Variants in PKP2 observed in about 807,000 individuals in gnomAD.
PKP2 encodes plakophilin-2.
PKP2 carries 73 observed loss-of-function variants against 83.4 expected under a neutral mutation model. The observed-to-expected ratio is 0.88, with a 90% CI of 0.72 to 1.06. The LOEUF is 1.06. PKP2 is among the 50% of genes least tolerant of loss of function. The pLI is 0.00. For synonymous variants in PKP2, 409 were observed against 430.4 expected, an observed-to-expected ratio of 0.95 and a Z score of 0.62; for missense variants, 966 against 1,065.4, an observed-to-expected ratio of 0.91 and a Z score of 1.30.
rs1956953513 is a variant in PKP2, at chr12:32,878,307, T to G, written c.573A>C (p.Pro191=). The G allele has an allele frequency of 6.2e-7, 1 of 1,613,146 alleles. No individual in the cohort carries two copies. Among genetic ancestry groups the G allele is most frequent in the African/African-American group, 1.3e-5 (1 of 74,898 alleles). The part of the protein sequence containing the change: ...QESRRAALLV[P]PRYARSEIVG... ...CGATCTCGGAACGAGCATATCTCGGTGGCACTAGGAGGGCGGCCCGCCTGC... is the reference window on the plus strand; with the variant it reads ...CGATCTCGGAACGAGCATATCTCGGGGGCACTAGGAGGGCGGCCCGCCTGC... The change falls in exon 3 of 13, where the codon CCA becomes CCC. Residue 191 remains proline, a synonymous_variant. Coordinates refer to ENST00000340811, the MANE Select transcript of PKP2 (RefSeq NM_001005242.3).
rs1488094311 is a variant in PKP2, at chr12:32,802,509, C to T, written c.2061G>A (p.Leu687=). Residue 687 remains leucine, a synonymous_variant, in exon 10 of 13, where the codon CTG becomes CTA. Coordinates refer to ENST00000340811, the MANE Select transcript of PKP2 (RefSeq NM_001005242.3). ...CATGCAGCATCTTTCGGGTGTGCTGCAGGCCACTTTCCTTCTGGACAACTG... is the reference window on the plus strand; with the variant it reads ...CATGCAGCATCTTTCGGGTGTGCTGTAGGCCACTTTCCTTCTGGACAACTG... ...AQTVVQKESG[L]QHTRKMLHVG... 1 of 1,614,148 alleles carries T rather than the reference C, an allele frequency of 6.2e-7. No individual in the cohort carries two copies. Among genetic ancestry groups the T allele is most frequent in the East Asian group, 2.2e-5 (1 of 44,886 alleles).
chr12:32,866,332 C>G (rs991520946), intron 4 of PKP2, among the ~76,000 whole-genome samples: 1 of 151,804 alleles, frequency 6.6e-6, no homozygotes, highest in Non-Finnish European at 1.5e-5. Context: ...GTAGCTGGCT[C>G]CTTTGAACTT....
chr12:32,793,680 C>A (rs932757923), intron 11 of PKP2, among the ~76,000 whole-genome samples: 1 of 133,932 alleles, frequency 7.5e-6, no homozygotes, highest in Non-Finnish European at 1.5e-5. Flanking sequence ...ACTGCAACCT[C>A]CGTCTCCCAG....
At chr12:32,840,880 A>G in intron 6 of PKP2, 148 bp downstream of exon 6, 1 of 685,628 alleles carries the variant, frequency 1.5e-6, no homozygotes, top group East Asian at 2.8e-5. Context: ...TCTGTTTTAA[A>G]AAAGATAAAT....
At chr12:32,822,904 G>A (rs1327370358) in intron 7 of PKP2, among the ~76,000 whole-genome samples, 1 of 152,156 alleles carries the variant, frequency 6.6e-6, no homozygotes, top group Non-Finnish European at 1.5e-5. Flanking sequence ...GCTTAGATAC[G>A]TAACTTACTA....
intron 4 of PKP2, among the ~76,000 whole-genome samples, chr12:32,851,615 C>T (rs910321393): frequency 5.9e-5 from 9 of 152,058 alleles, no homozygotes; most frequent in Non-Finnish European, 5.9e-5. Context: ...ACTACAGGCG[C>T]CCGCCACCAC....
rs753180642 is a variant in PKP2 at position 32,896,510 on chromosome 12, G to T, written c.222C>A (p.Asn74Lys). 2.0e-6 allele frequency: 3 copies of T among 1,517,798 alleles called. No individual in the cohort carries two copies. Among genetic ancestry groups the T allele is most frequent in the African/African-American group, 2.8e-5 (2 of 70,560 alleles). The allele number at this position is 1,517,798 out of a possible 1,614,324, so 94.0% of individuals were successfully genotyped here. Reference sequence around the variant, plus strand: ...CGGGGAGCGGCGGGCTCCACTCACCGTTGCCCACGGAGCTGCGGCCCTTCC... The same window carrying T: ...CGGGGAGCGGCGGGCTCCACTCACCTTTGCCCACGGAGCTGCGGCCCTTCC... ...LARKGRSSVG[N>K]GNLHRTSSVP... Residue 74 changes from asparagine (N) to lysine (K), a missense_variant and splice_region_variant, in exon 1 of 13, where the codon AAC becomes AAA. Coordinates refer to ENST00000340811, the MANE Select transcript of PKP2 (RefSeq NM_001005242.3).
At chr12:32,858,936 G>A (rs1228818930) in intron 4 of PKP2, among the ~76,000 whole-genome samples, 3 of 152,092 alleles carry the variant, frequency 2.0e-5, no homozygotes, top group Non-Finnish European at 1.5e-5. Flanking sequence ...TGACTGACCT[G>A]CAAGGCTAAC....
At chr12:32,823,056 C>T (rs1458810430) in intron 7 of PKP2, among the ~76,000 whole-genome samples, 3 of 152,176 alleles carry the variant, frequency 2.0e-5, no homozygotes, top group African/African-American at 7.2e-5. Context: ...AAAGCCTTTT[C>T]AGAGGTAGAC....
intron 1 of PKP2, among the ~76,000 whole-genome samples, chr12:32,889,040 T>C (rs1361092818): frequency 1.3e-5 from 2 of 152,198 alleles, no homozygotes; most frequent in East Asian, 3.9e-4. Flanking sequence ...TGTGGAAATA[T>C]CTGTGACTCA....
intron 5 of PKP2, among the ~76,000 whole-genome samples, chr12:32,841,561 A>G (rs1956593001): frequency 6.6e-6 from 1 of 152,214 alleles, no homozygotes; most frequent in Non-Finnish European, 1.5e-5. Flanking sequence ...GCTCACCAAT[A>G]GGCAGGCTTA....
chr12:32,886,103 A>G (rs915786114), intron 1 of PKP2, among the ~76,000 whole-genome samples: 5 of 152,216 alleles, frequency 3.3e-5, no homozygotes, highest in African/African-American at 1.2e-4. Context: ...ATTAGTATTG[A>G]TTTAAATGCT....
At chr12:32,884,497 TTC>T (rs1163842394) in intron 1 of PKP2, among the ~76,000 whole-genome samples, 1 of 152,194 alleles carries the variant, frequency 6.6e-6, no homozygotes, top group Non-Finnish European at 1.5e-5. Flanking sequence ...TCTTTGGGTC[TTC>T]ATTTCTGAAG....
chr12:32,856,484 G>C (rs11052277), intron 4 of PKP2, among the ~76,000 whole-genome samples: 59,208 of 151,742 alleles, frequency 0.39, 13,729 homozygotes, highest in Non-Finnish European at 0.53. Context: ...TGAAGACTGA[G>C]TGACTATGAG....
intron 6 of PKP2, among the ~76,000 whole-genome samples, chr12:32,834,787 G>T (rs1339093825): frequency 6.6e-6 from 1 of 152,026 alleles, no homozygotes; most frequent in African/African-American, 2.4e-5. Flanking sequence ...ATAAAACTTT[G>T]GCAGCAATTT....
chr12:32,896,297 A>G (rs1363482783), intron 1 of PKP2, among the ~76,000 whole-genome samples: 2 of 152,218 alleles, frequency 1.3e-5, no homozygotes, highest in African/African-American at 4.8e-5. Flanking sequence ...TACAATATTT[A>G]ATATACATAG....
At position 32,858,103 on chromosome 12, in the gene PKP2, A is replaced by ATATATATATT. The variant is rs1555146112; in HGVS notation, c.1171-7131_1171-7130insAATATATATA. Among the ~76,000 whole-genome samples, 419 of 94,454 alleles carry ATATATATATT rather than the reference A, an allele frequency of 4.4e-3. 3 individuals are homozygous for ATATATATATT. Among genetic ancestry groups the ATATATATATT allele is most frequent in the African/African-American group, 0.02 (402 of 20,142 alleles). The allele number at this position is 94,454 out of a possible 152,430, so 62.0% of individuals were successfully genotyped here. ...AAAAAAAATATATATATATATATATATATATATATATATTTATATATATTT... is the reference window on the plus strand; with the variant it reads ...AAAAAAAATATATATATATATATATATATATATATTTATATATATATATTTATATATATTT... On this transcript the variant is annotated intron_variant, in intron 4 of 12. Coordinates refer to ENST00000340811, the MANE Select transcript of PKP2 (RefSeq NM_001005242.3).
intron 1 of PKP2, among the ~76,000 whole-genome samples, chr12:32,890,952 CAAAAA>C (rs56900611): frequency 1.4e-5 from 1 of 70,300 alleles, no homozygotes; most frequent in African/African-American, 4.6e-5. Flanking sequence ...AAGAGCGAAA[CAAAAA>C]AAAAAAAAAA....
At chr12:32,804,224 G>A (rs1380924481) in intron 9 of PKP2, among the ~76,000 whole-genome samples, 1 of 152,202 alleles carries the variant, frequency 6.6e-6, no homozygotes, top group African/African-American at 2.4e-5. Flanking sequence ...GGGTCCTTTA[G>A]GGATGAGGAG....
Sources: allele counts gnomAD v4.1 joint callset (sites outside exome capture counted in the v4.1 genomes callset), GRCh38; gene constraint gnomAD v4.1.1; transcripts MANE v1.5; gene names NCBI Gene and HGNC (gene_info 2026-07-23, HGNC 2026-07-21).